MPP3: variants seen among roughly 807,000 people sequenced by gnomAD.
MPP3 encodes MAGUK p55 subfamily member 3.
In MPP3, 48 loss-of-function variants were observed where a neutral mutation model predicts 80.7. The ratio of observed to expected loss-of-function variants is 0.59; its 90% CI spans 0.47 to 0.76. The LOEUF (loss-of-function observed/expected upper bound fraction) is 0.76, where lower values mean the gene tolerates loss of function less well. MPP3 is among the 30% of genes least tolerant of loss of function. The pLI is 0.00. For synonymous variants in MPP3, 311 were observed against 297.6 expected (o/e 1.04, Z -0.46); for missense variants, 620 against 763.0 (o/e 0.81, Z 2.21).
intron 5 of MPP3, among the ~76,000 whole-genome samples, chr17:43,830,981 G>A (rs1337129088): frequency 2.0e-5 from 3 of 152,208 alleles, no homozygotes; most frequent in Non-Finnish European, 2.9e-5. Context: ...AGCAGAGGAA[G>A]CAGACTTGCT....
intron 10 of MPP3, 103 bp downstream of exon 10, chr17:43,823,828 T>C: frequency 1.3e-6 from 1 of 795,176 alleles, no homozygotes; most frequent in Non-Finnish European, 2.1e-6. Flanking sequence ...CTATGATCTG[T>C]TCGCAAATGA....
chr17:43,808,041 GCC>G (rs2044691640), intron 19 of MPP3, among the ~76,000 whole-genome samples: 2 of 152,152 alleles, frequency 1.3e-5, no homozygotes. Context: ...AATCACTTGA[GCC>G]CAGGAGTTCA....
intron 10 of MPP3, among the ~76,000 whole-genome samples, chr17:43,821,944 G>A (rs138980720): frequency 6.6e-6 from 1 of 152,230 alleles, no homozygotes; most frequent in East Asian, 1.9e-4. Context: ...TGTTACCAGG[G>A]TCCTAAGCAC....
At chr17:43,824,743 G>A (rs191811576) in intron 9 of MPP3, among the ~76,000 whole-genome samples, 8 of 152,282 alleles carry the variant, frequency 5.3e-5, no homozygotes, top group Non-Finnish European at 7.4e-5. Context: ...CCTGCAATCC[G>A]CATCCTCTAC....
Position 43,831,277 on chromosome 17 carries a change from T to C in MPP3, c.189A>G (p.Pro63=), listed in dbSNP as rs1273512168. 1 of 1,614,016 alleles carries C rather than the reference T, an allele frequency of 6.2e-7. No individual in the cohort carries two copies. The highest frequency in any genetic ancestry group is 8.5e-7 in the Non-Finnish European group (1 of 1,180,020). ...LRYYERQSPT[P]VLHSAVALAE... is the part of the protein sequence containing the mutation. ...CGAGGGCCACAGCGCTGTGCAGAAC[T>C]GGGGTTGGACTTTGCCTTTCATAAT... The change falls in exon 5 of 20, where the codon CCA becomes CCG. Residue 63 remains proline, a synonymous_variant. Transcript: ENST00000398389.
chr17:43,808,899 T>A, intron 19 of MPP3, 57 bp downstream of exon 19: 1 of 1,558,834 alleles, frequency 6.4e-7, no homozygotes, highest in Non-Finnish European at 8.6e-7. Context: ...GCTAGAAGCG[T>A]TCCTGTAACA....
chr17:43,822,662 T>C (rs17675370), intron 10 of MPP3, among the ~76,000 whole-genome samples: 19,303 of 70,184 alleles, frequency 0.28, 1,872 homozygotes, highest in Middle Eastern at 0.4. Flanking sequence ...CAAATATAAC[T>C]GCACCACTCC....
At chr17:43,821,926 G>A (rs1486853487) in intron 10 of MPP3, among the ~76,000 whole-genome samples, 2 of 152,162 alleles carry the variant, frequency 1.3e-5, no homozygotes, top group Non-Finnish European at 2.9e-5. Context: ...CCCTTAACCA[G>A]CCACAGATGT....
intron 9 of MPP3, chr17:43,825,483 C>G: frequency 5.3e-6 from 2 of 374,704 alleles, no homozygotes; most frequent in Non-Finnish European, 4.9e-6. Context: ...GACCCAGGAC[C>G]CAGGAGGGGC....
intron 19 of MPP3, among the ~76,000 whole-genome samples, chr17:43,806,717 T>A (rs2044631567): frequency 6.6e-6 from 1 of 151,616 alleles, no homozygotes; most frequent in South Asian, 2.1e-4. Flanking sequence ...CAAGCAATTC[T>A]CCTGCCTCAG....
chr17:43,831,368 C>A, intron 4 of MPP3, 47 bp from the exon 5 acceptor site: 2 of 1,580,688 alleles, frequency 1.3e-6, no homozygotes, highest in South Asian at 1.1e-5. Context: ...CCACACATCC[C>A]ACCCACGGCT....
In MPP3 at chr17:43,814,288, G is replaced by A. The variant is rs547831243; in HGVS notation, c.1083C>T (p.Ser361=). The change falls in exon 15 of 20, where the codon TCC becomes TCT. Residue 361 remains serine, a synonymous_variant. Coordinates refer to ENST00000398389, the MANE Select transcript of MPP3 (RefSeq NM_001932.6). ...TCAGCAGCTCCGGAGACTCAGCTCC[G>A]GAGGACATCTTTCCTTCCTGCGAGC... ...LGGSQEGKMS[S]GAESPELLTY... 1.3e-4 allele frequency: 211 copies of A among 1,612,676 alleles called. No individual in the cohort carries two copies. Among genetic ancestry groups the A allele is most frequent in the Admixed American group, 4.0e-4 (24 of 60,018 alleles).
At chr17:43,832,513 G>C (rs1004644296) in intron 2 of MPP3, among the ~76,000 whole-genome samples, 1 of 152,210 alleles carries the variant, frequency 6.6e-6, no homozygotes, top group Non-Finnish European at 1.5e-5. Context: ...GGGGGAAATG[G>C]GAGTCGGGCT....
chr17:43,829,767 C>A lies in MPP3; in HGVS notation c.328G>T (p.Val110Phe). Residue 110 changes from valine (V) to phenylalanine (F), a missense_variant, in exon 7 of 20, where the codon GTT becomes TTT. Transcript: ENST00000398389. ...ACGGGGTCAAAATTCTTCTGGGCAACCGTGTCATGTACCATGAGCACAGCC... is the reference window on the plus strand; with the variant it reads ...ACGGGGTCAAAATTCTTCTGGGCAAACGTGTCATGTACCATGAGCACAGCC... ...LRAVLMVHDT[V>F]AQKNFDPVLP... The A allele has an allele frequency of 6.2e-7, 1 of 1,613,948 alleles. No individual in the cohort carries two copies. The highest frequency in any genetic ancestry group is 8.5e-7 in the Non-Finnish European group (1 of 1,180,014).
intron 19 of MPP3, among the ~76,000 whole-genome samples, chr17:43,805,925 A>C (rs764136163): frequency 6.6e-6 from 1 of 152,230 alleles, no homozygotes; most frequent in South Asian, 2.1e-4. Flanking sequence ...AAATGTGTGA[A>C]TTGTACAGTA....
At position 43,801,541 on chromosome 17, in the gene MPP3, C is replaced by G; in HGVS notation, c.*160G>C. ...TGCAGTGAAAAACAACAGACAAAAACCAACAACAAACAAGACTTCCCACTT... is the reference window on the plus strand; with the variant it reads ...TGCAGTGAAAAACAACAGACAAAAAGCAACAACAAACAAGACTTCCCACTT... On this transcript the variant is annotated 3_prime_UTR_variant, in exon 20 of 20. Coordinates refer to ENST00000398389, the MANE Select transcript of MPP3 (RefSeq NM_001932.6). 3.1e-6 allele frequency: 2 copies of G among 649,642 alleles called. No homozygotes were observed. Among genetic ancestry groups the G allele is most frequent in the Non-Finnish European group, 5.0e-6 (2 of 396,864 alleles). 40.2% of individuals were successfully genotyped at this position (649,642 alleles called of 1,614,324 possible).
chr17:43,828,715 T>G lies in MPP3; in HGVS notation c.442-883A>C, dbSNP rs181438576. ...ATCTGTGCCATCTATTTGAAGTACGTAAGATAATTATTGCTAGAAAGAGAG... is the reference window on the plus strand; with the variant it reads ...ATCTGTGCCATCTATTTGAAGTACGGAAGATAATTATTGCTAGAAAGAGAG... On this transcript the variant is annotated intron_variant, in intron 7 of 19. Transcript: ENST00000398389. Among the ~76,000 whole-genome samples, 266 of 152,326 alleles carry G rather than the reference T, an allele frequency of 1.7e-3. 1 individual carries two copies. The highest frequency in any genetic ancestry group is 1.2e-3 in the Non-Finnish European group (79 of 68,012).
intron 10 of MPP3, among the ~76,000 whole-genome samples, chr17:43,823,089 C>G (rs975778119): frequency 4.6e-5 from 7 of 152,132 alleles, no homozygotes; most frequent in African/African-American, 1.7e-4. Flanking sequence ...TTCCCTTTCC[C>G]AGTCCTGTAC....
At chr17:43,811,343 T>A in intron 16 of MPP3, 138 bp from the exon 17 acceptor site, 1 of 659,326 alleles carries the variant, frequency 1.5e-6, no homozygotes, top group Non-Finnish European at 2.7e-6. Context: ...TGCATGTCCC[T>A]GTATCAGGCA....
Sources: gnomAD v4.1 joint callset for allele counts (sites outside exome capture counted in the v4.1 genomes callset) on GRCh38, gnomAD v4.1.1 for gene constraint, MANE v1.5 for transcripts, NCBI Gene and HGNC (gene_info 2026-07-23, HGNC 2026-07-21) for gene names.